The following C2orf66 variants were observed in gnomAD, a reference collection of about 807,000 sequenced individuals.
The protein encoded by C2orf66 is chromosome 2 open reading frame 66, also known as uncharacterized protein C2orf66.
In C2orf66, 6 loss-of-function variants were observed where a neutral mutation model predicts 7.0. The ratio of observed to expected loss-of-function variants is 0.86; its 90% CI spans 0.47 to 1.69. The LOEUF (loss-of-function observed/expected upper bound fraction) is 1.69, where lower values mean the gene tolerates loss of function less well. C2orf66 is among the 40% of genes most tolerant of loss of function. C2orf66 has a pLI of 0.01. For synonymous variants in C2orf66, 38 were observed against 43.8 expected, an observed-to-expected ratio of 0.87 and a Z score of 0.52; for missense variants, 107 against 112.0, an observed-to-expected ratio of 0.96 and a Z score of 0.20.
chr2:196,826,419 A>G, the C2orf66 span, among the ~76,000 whole-genome samples: 8 of 152,194 alleles, frequency 5.3e-5, no homozygotes, highest in African/African-American at 1.9e-4. Flanking sequence ...AGAGTTTGCA[A>G]TCAAAAAAGT....
At chr2:196,829,567 C>T in the C2orf66 span, among the ~76,000 whole-genome samples, 8 of 150,796 alleles carry the variant, frequency 5.3e-5, no homozygotes, top group Non-Finnish European at 8.9e-5. Context: ...CCAGCCTGGG[C>T]GAAAGAGCCA....
chr2:196,822,229 T>A, the C2orf66 span, among the ~76,000 whole-genome samples: 1 of 152,210 alleles, frequency 6.6e-6, no homozygotes, highest in East Asian at 1.9e-4. Context: ...AGTGAGCTTT[T>A]ATCCTAAGGG....
chr2:196,828,228 T>A, the C2orf66 span, among the ~76,000 whole-genome samples: 56 of 127,412 alleles, frequency 4.4e-4, no homozygotes, highest in East Asian at 3.1e-3. Context: ...TCTCTCTCTC[T>A]CTCACACACA....
the C2orf66 span, among the ~76,000 whole-genome samples, chr2:196,830,033 C>T: frequency 6.6e-6 from 1 of 152,200 alleles, no homozygotes; most frequent in East Asian, 1.9e-4. Flanking sequence ...AGGTACTCTT[C>T]CCTCAAAATA....
At chr2:196,824,895 A>G in the C2orf66 span, among the ~76,000 whole-genome samples, 1 of 152,192 alleles carries the variant, frequency 6.6e-6, no homozygotes, top group Non-Finnish European at 1.5e-5. Context: ...CAAAATATAC[A>G]AGGAATCCAA....
chr2:196,810,142 C>T (rs1247067561), upstream of C2orf66: 2 of 152,214 alleles, frequency 1.3e-5, no homozygotes, highest in Admixed American at 1.3e-4. Flanking sequence ...GCAGCCACTC[C>T]TTGAACCACG....
At chr2:196,821,265 C>T in the C2orf66 span, among the ~76,000 whole-genome samples, 1 of 152,330 alleles carries the variant, frequency 6.6e-6, no homozygotes, top group South Asian at 2.1e-4. Flanking sequence ...TGAATTCAGA[C>T]TTTCTGGCCT....
At position 196,809,189 on chromosome 2, in the gene C2orf66, A is replaced by C. The variant is rs188408143; in HGVS notation, c.123+25T>G. 1,004 of 1,608,366 alleles carry C rather than the reference A, an allele frequency of 6.2e-4. 10 individuals carry two copies. In the East Asian group the frequency reaches 0.011, roughly 18 times the overall value. ...AAAGAGGCATTAGTTCTATCCTGAA[A>C]CCCAGGCCCCAAGTGTGTTCTTACC... On this transcript the variant is annotated intron_variant, in intron 1 of 2. Coordinates refer to ENST00000342506, the MANE Select transcript of C2orf66 (RefSeq NM_213608.3).
In C2orf66 at chr2:196,809,191, C is replaced by G. The variant is rs192955693; in HGVS notation, c.123+23G>C. The G allele has an allele frequency of 5.8e-4, 940 of 1,608,248 alleles. 10 individuals are homozygous for G. The East Asian group carries it at 0.011, about 20-fold the overall frequency. Reference sequence around the variant, plus strand: ...AGAGGCATTAGTTCTATCCTGAAACCCAGGCCCCAAGTGTGTTCTTACCAG... The same window carrying G: ...AGAGGCATTAGTTCTATCCTGAAACGCAGGCCCCAAGTGTGTTCTTACCAG... On this transcript the variant is annotated intron_variant, in intron 1 of 2. Transcript: ENST00000342506.
chr2:196,823,428 G>A, the C2orf66 span, among the ~76,000 whole-genome samples: 2 of 151,954 alleles, frequency 1.3e-5, no homozygotes, highest in African/African-American at 4.8e-5. Flanking sequence ...TTCAAGACCA[G>A]CTTGGGCAAC....
At chr2:196,817,192 C>G in the C2orf66 span, among the ~76,000 whole-genome samples, 3 of 149,052 alleles carry the variant, frequency 2.0e-5, no homozygotes, top group Non-Finnish European at 4.4e-5. Flanking sequence ...GAATTACTGA[C>G]AAGGGTCTAT....
In C2orf66 at chr2:196,807,570, G is replaced by A. The variant is rs758862230; in HGVS notation, c.176C>T (p.Thr59Ile). 1.2e-6 allele frequency: 2 copies of A among 1,613,818 alleles called. No individual in the cohort carries two copies. The highest frequency in any genetic ancestry group is 2.2e-5 in the East Asian group (1 of 44,828). Reference sequence around the variant, plus strand: ...ATTCGTGGGGAAAGGATTTGGAAATGTTCCAAGATCAAGACCTCTGCCCTT... The same window carrying A: ...ATTCGTGGGGAAAGGATTTGGAAATATTCCAAGATCAAGACCTCTGCCCTT... ...YFKGRGLDLG[T>I]FPNPFPTNEN... The change falls in exon 2 of 3, where the codon ACA becomes ATA. Residue 59 changes from threonine (T) to isoleucine (I), a missense_variant. By Grantham distance (89) the Thr-to-Ile change is moderately conservative. Transcript: ENST00000342506.
the C2orf66 span, among the ~76,000 whole-genome samples, chr2:196,820,909 A>G: frequency 2.0e-5 from 3 of 152,208 alleles, no homozygotes; most frequent in Non-Finnish European, 4.4e-5. Flanking sequence ...ATGCTTGTAA[A>G]TGTTACCTTA....
At chr2:196,821,879 T>C in the C2orf66 span, among the ~76,000 whole-genome samples, 3 of 151,694 alleles carry the variant, frequency 2.0e-5, no homozygotes, top group Admixed American at 2.0e-4. Flanking sequence ...GAAATGATTT[T>C]CTTTTAGTGC....
chr2:196,815,564 A>T, the C2orf66 span, among the ~76,000 whole-genome samples: 1 of 152,230 alleles, frequency 6.6e-6, no homozygotes, highest in Non-Finnish European at 1.5e-5. Context: ...CTGCACCCAG[A>T]GGCATCTGAA....
chr2:196,815,138 T>C, the C2orf66 span, among the ~76,000 whole-genome samples: 1 of 151,894 alleles, frequency 6.6e-6, no homozygotes, highest in Non-Finnish European at 1.5e-5. Flanking sequence ...CTCTCTTTTT[T>C]TTTTCTTTTT....
At chr2:196,813,272 C>T (rs1699892911), upstream of C2orf66, among the ~76,000 whole-genome samples, 1 of 152,084 alleles carries the variant, frequency 6.6e-6, no homozygotes, top group Admixed American at 6.6e-5. Flanking sequence ...GAAATAACAC[C>T]ACACATCTAC....
At chr2:196,806,945 C>T (rs1699826369) in intron 2 of C2orf66, among the ~76,000 whole-genome samples, 1 of 152,090 alleles carries the variant, frequency 6.6e-6, no homozygotes, top group South Asian at 2.1e-4. Flanking sequence ...TAATAGTCAA[C>T]CTTTTCTTCC....
At chr2:196,817,888 G>T in the C2orf66 span, among the ~76,000 whole-genome samples, 1 of 152,120 alleles carries the variant, frequency 6.6e-6, no homozygotes, top group Non-Finnish European at 1.5e-5. Flanking sequence ...AGACCTTATG[G>T]TTGTCTTCCC....
Sources: allele counts gnomAD v4.1 joint callset (sites outside exome capture counted in the v4.1 genomes callset), GRCh38; gene constraint gnomAD v4.1.1; transcripts MANE v1.5; gene names NCBI Gene and HGNC (gene_info 2026-07-23, HGNC 2026-07-21).